SPG11: variants seen among roughly 807,000 people sequenced by gnomAD.
SPG11 encodes the protein SPG11 vesicle trafficking associated, spatacsin.
In SPG11, 222 loss-of-function variants were observed where a neutral mutation model predicts 274.0. That is an observed-to-expected ratio of 0.81 (90% CI 0.73 to 0.91). The LOEUF is 0.91. Ranked by LOEUF, SPG11 falls within the 40% of genes least tolerant of loss-of-function variation. The pLI is 0.00. For synonymous variants in SPG11, 1,144 were observed against 1,039.7 expected, an observed-to-expected ratio of 1.10 and a Z score of -1.93; for missense variants, 3,114 against 2,872.7, an observed-to-expected ratio of 1.08 and a Z score of -1.92.
Position 44,652,107 on chromosome 15 carries a change from C to A in SPG11, c.1007+22G>T, listed in dbSNP as rs770128062. The A allele has an allele frequency of 2.5e-6, 4 of 1,613,624 alleles. No homozygotes were observed. The African/African-American group carries it at 5.3e-5, about 22-fold the overall frequency. ...GATAAAAAATAAGAACAATAAACTACATGAAAAGGAAGTTTCTGTACCTAT... is the reference window on the plus strand; with the variant it reads ...GATAAAAAATAAGAACAATAAACTAAATGAAAAGGAAGTTTCTGTACCTAT... On this transcript the variant is annotated intron_variant, in intron 5 of 39. Transcript: ENST00000261866.
intron 26 of SPG11, 76 bp downstream of exon 26, chr15:44,595,183 A>G: frequency 6.9e-7 from 1 of 1,444,414 alleles, no homozygotes; most frequent in South Asian, 1.2e-5. Context: ...CAGGGATGGA[A>G]ATAAGAAAAA....
At chr15:44,591,701 G>A (rs560930079) in intron 27 of SPG11, among the ~76,000 whole-genome samples, 1 of 152,330 alleles carries the variant, frequency 6.6e-6, no homozygotes. Context: ...GGCCGGACAT[G>A]GTGGCTCATG....
intron 31 of SPG11, 59 bp downstream of exon 31, chr15:44,574,843 C>G: frequency 6.2e-7 from 1 of 1,607,874 alleles, no homozygotes; most frequent in Non-Finnish European, 8.5e-7. Context: ...CCAAAATCAA[C>G]CTCAAACTTC....
intron 7 of SPG11, among the ~76,000 whole-genome samples, chr15:44,641,032 CTTT>C (rs957566027): frequency 6.6e-6 from 1 of 151,990 alleles, no homozygotes; most frequent in African/African-American, 2.4e-5. Flanking sequence ...CCAGCCAGGA[CTTT>C]TCAAAAAAGT....
At chr15:44,610,557 T>C (rs1402674695) in intron 18 of SPG11, among the ~76,000 whole-genome samples, 1 of 151,678 alleles carries the variant, frequency 6.6e-6, no homozygotes, top group Non-Finnish European at 1.5e-5. Context: ...GAAGTTTTTT[T>C]AGTACAGATG....
At position 44,657,145 on chromosome 15, in the gene SPG11, A is replaced by G; in HGVS notation, c.819T>C (p.Ile273=). The G allele has an allele frequency of 6.2e-7, 1 of 1,614,232 alleles. No individual in the cohort carries two copies. The highest frequency in any genetic ancestry group is 8.5e-7 in the Non-Finnish European group (1 of 1,180,040). ...CAACTGCGGAGTTGGAGGAGCTGAC[A>G]ATCACTGCAACATCGAGGTCTTGAG... ...KVSQDLDVAV[I]VSSSNSAVAL... Residue 273 remains isoleucine (I), a synonymous_variant, in exon 4 of 40, where the codon ATT becomes ATC. Transcript: ENST00000261866.
intron 7 of SPG11, among the ~76,000 whole-genome samples, chr15:44,645,982 A>G (rs1227793995): frequency 6.6e-6 from 1 of 152,220 alleles, no homozygotes; most frequent in Non-Finnish European, 1.5e-5. Context: ...AAAAAATAAC[A>G]GGTGCTAGCG....
intron 19 of SPG11, among the ~76,000 whole-genome samples, chr15:44,607,921 G>C (rs1381728488): frequency 1.3e-5 from 2 of 152,148 alleles, no homozygotes; most frequent in South Asian, 4.1e-4. Context: ...ACAGCAGACA[G>C]GTATGCTGGT....
intron 25 of SPG11, 86 bp downstream of exon 25, chr15:44,595,997 C>T (rs1322002274): frequency 1.3e-6 from 2 of 1,546,334 alleles, no homozygotes; most frequent in African/African-American, 1.4e-5. Flanking sequence ...ATCATCACCC[C>T]ACTTCTGATT....
Position 44,620,025 on chromosome 15 carries a change from T to C in SPG11, c.2834+165A>G, listed in dbSNP as rs372004524. The C allele has an allele frequency of 1.0e-5, 7 of 673,938 alleles. No individual in the cohort carries two copies. The South Asian group carries it at 1.1e-4, about 10-fold the overall frequency. 41.7% of individuals were successfully genotyped at this position (673,938 alleles called of 1,614,324 possible). A position where few individuals can be genotyped will look rare whatever the true frequency, so the allele number is the denominator to read the frequency against. The stretch of plus-strand genomic sequence containing the variant: ...GCCACCGCACTTGGCCAAATGAGTA[T>C]GATTTTAAAACCTCACTGTAAGATG... On this transcript the variant is annotated intron_variant, in intron 15 of 39. Transcript: ENST00000261866.
intron 25 of SPG11, 130 bp from the exon 26 acceptor site, chr15:44,595,589 C>CA: frequency 9.8e-7 from 1 of 1,025,482 alleles, no homozygotes; most frequent in Non-Finnish European, 1.5e-6. Context: ...GAAAAGCCTT[C>CA]AAACATGAAA....
At chr15:44,660,668 C>T (rs1334180743) in intron 1 of SPG11, 52 bp from the exon 2 acceptor site, 5 of 1,556,016 alleles carry the variant, frequency 3.2e-6, no homozygotes, top group Non-Finnish European at 4.4e-6. Context: ...ATAATATTTA[C>T]CCACAATGGT....
intron 32 of SPG11, 39 bp from the exon 33 acceptor site, chr15:44,572,859 TAA>T: frequency 6.2e-7 from 1 of 1,612,352 alleles, no homozygotes. Context: ...TGGTTTTATC[TAA>T]GAGAGGCCCA....
intron 30 of SPG11, among the ~76,000 whole-genome samples, chr15:44,580,330 A>T (rs911555093): frequency 5.3e-5 from 8 of 152,220 alleles, no homozygotes; most frequent in Admixed American, 5.2e-4. Context: ...GTGCTCTAAG[A>T]TGTTTACACA....
rs965244500 is a variant in SPG11, at chr15:44,625,851, TCTA to T, written c.2244+477_2244+479del. Among the ~76,000 whole-genome samples the T allele has an allele frequency of 1.1e-4, 16 of 151,650 alleles. 1 individual carries two copies. Among genetic ancestry groups the T allele is most frequent in the African/African-American group, 3.9e-4 (16 of 41,268 alleles). ...CCCGCCACCACACCCGGCTTATTTTTCTACTTTTAGTAGAGACGGGGTTTCGCC... is the reference window on the plus strand; with the variant it reads ...CCCGCCACCACACCCGGCTTATTTTTCTTTTAGTAGAGACGGGGTTTCGCC... On this transcript the variant is annotated intron_variant, in intron 11 of 39. Transcript: ENST00000261866.
chr15:44,596,694 CTA>C, intron 24 of SPG11, 88 bp downstream of exon 24: 1 of 537,000 alleles, frequency 1.9e-6, no homozygotes, highest in Non-Finnish European at 3.4e-6. Context: ...AAAAAAAGGC[CTA>C]TGTCATGTCT....
At chr15:44,655,350 TATAACACC>T (rs2084909391) in intron 4 of SPG11, among the ~76,000 whole-genome samples, 1 of 152,236 alleles carries the variant, frequency 6.6e-6, no homozygotes, top group Non-Finnish European at 1.5e-5. Context: ...CATAACCTTG[TATAACACC>T]ATGGGACCCA....
chr15:44,613,508 C>A lies in SPG11; in HGVS notation c.3067G>T (p.Glu1023Ter). ...TGTGCTTCATGTAACTCTTTTTTTT[C>A]CAAAAAGGGACAATTTTCAGGACTA... is the stretch of plus-strand genomic sequence containing the variant. ...KLSPENCPFL[E>*]KKELHEAHPW... The change falls in exon 17 of 40, where the codon GAA (glutamate) becomes TAA (stop). Residue 1023 changes from glutamate to a stop codon, truncating the protein, a stop_gained. Coordinates refer to ENST00000261866, the MANE Select transcript of SPG11 (RefSeq NM_025137.4). LOFTEE classifies it high-confidence loss of function. 1 of 1,612,576 alleles carries A rather than the reference C, an allele frequency of 6.2e-7. No individual in the cohort carries two copies.
chr15:44,572,980 C>CG lies in SPG11; in HGVS notation c.6206-161_6206-160insC, dbSNP rs1256111244. On this transcript the variant is annotated intron_variant, in intron 32 of 39. Coordinates refer to ENST00000261866, the MANE Select transcript of SPG11 (RefSeq NM_025137.4). ...TTGGTCATTTTATAGGACAGGAGTT[C>CG]TTTTTTTTTTTTTTTTTTTTTTTTG... Among the ~76,000 whole-genome samples, 455 of 83,248 alleles carry CG rather than the reference C, an allele frequency of 5.5e-3. 2 individuals are homozygous for CG. The highest frequency in any genetic ancestry group is 0.021 in the African/African-American group (419 of 19,758). 54.6% of individuals were successfully genotyped at this position (83,248 alleles called of 152,430 possible).
Sources: gnomAD v4.1 joint callset for allele counts (sites outside exome capture counted in the v4.1 genomes callset) on GRCh38, gnomAD v4.1.1 for gene constraint, MANE v1.5 for transcripts, NCBI Gene and HGNC (gene_info 2026-07-23, HGNC 2026-07-21) for gene names.